Variants in ARNT2 observed in about 807,000 individuals in gnomAD.
The protein encoded by ARNT2 is ARNT protein 2.
In ARNT2, 36 loss-of-function variants were observed where a neutral mutation model predicts 91.7. The observed-to-expected ratio is 0.39, with a 90% CI of 0.30 to 0.52. The LOEUF (loss-of-function observed/expected upper bound fraction) is 0.52, where lower values mean the gene tolerates loss of function less well. ARNT2 is among the 20% of genes least tolerant of loss of function. The pLI, the probability that ARNT2 is intolerant of heterozygous loss-of-function variation, is 0.72. For missense variants in ARNT2, 775 were observed against 939.3 expected, an observed-to-expected ratio of 0.83 and a Z score of 2.29; for synonymous variants, 365 against 347.1, an observed-to-expected ratio of 1.05 and a Z score of -0.57.
intron 12 of ARNT2, among the ~76,000 whole-genome samples, chr15:80,567,600 A>C (rs1885744204): frequency 6.6e-6 from 1 of 152,198 alleles, no homozygotes; most frequent in African/African-American, 2.4e-5. Context: ...CCCCTGTGAA[A>C]ACCAGCCCCC....
At chr15:80,512,982 G>A (rs1897366954) in intron 6 of ARNT2, among the ~76,000 whole-genome samples, 1 of 152,188 alleles carries the variant, frequency 6.6e-6, no homozygotes, top group Non-Finnish European at 1.5e-5. Flanking sequence ...AGGGCAGAGG[G>A]CCAAACATTG....
chr15:80,465,750 A>G (rs1442838578), intron 3 of ARNT2, among the ~76,000 whole-genome samples: 3 of 152,122 alleles, frequency 2.0e-5, no homozygotes, highest in Non-Finnish European at 4.4e-5. Flanking sequence ...ACTTAGGTTT[A>G]TGTCGTGGCT....
intron 1 of ARNT2, among the ~76,000 whole-genome samples, chr15:80,447,689 C>T (rs1276473072): frequency 6.6e-6 from 1 of 152,168 alleles, no homozygotes; most frequent in East Asian, 1.9e-4. Flanking sequence ...AGGCTGACAG[C>T]TGATCACATT....
intron 1 of ARNT2, 132 bp from the exon 2 acceptor site, chr15:80,450,748 C>A (rs879207077): frequency 3.8e-4 from 317 of 832,480 alleles, no homozygotes; most frequent in East Asian, 8.3e-4. Context: ...CTGATGATGG[C>A]AGAGCGGCCG....
chr15:80,537,287 A>G (rs1362339116), intron 8 of ARNT2, among the ~76,000 whole-genome samples: 1 of 152,164 alleles, frequency 6.6e-6, no homozygotes, highest in African/African-American at 2.4e-5. Flanking sequence ...GGACCATATT[A>G]TTTAAACTCC....
chr15:80,529,969 A>G (rs1002725715), intron 8 of ARNT2, among the ~76,000 whole-genome samples: 3 of 152,218 alleles, frequency 2.0e-5, no homozygotes, highest in Non-Finnish European at 2.9e-5. Flanking sequence ...CTTATGTCAC[A>G]CTGAGTAGTT....
At chr15:80,515,337 G>C (rs974948323) in intron 8 of ARNT2, among the ~76,000 whole-genome samples, 1 of 152,084 alleles carries the variant, frequency 6.6e-6, no homozygotes, top group South Asian at 2.1e-4. Flanking sequence ...CAACTCAAAT[G>C]TACACCAAGT....
intron 1 of ARNT2, among the ~76,000 whole-genome samples, chr15:80,425,653 G>A (rs1485736078): frequency 6.6e-6 from 1 of 151,892 alleles, no homozygotes; most frequent in East Asian, 1.9e-4. Context: ...TGCCATGATG[G>A]TTTGCTGCAC....
chr15:80,433,831 A>G (rs1896048152), intron 1 of ARNT2: 2 of 152,216 alleles, frequency 1.3e-5, no homozygotes, highest in Non-Finnish European at 2.9e-5. Context: ...TATGTTCAAC[A>G]AAGTATGGAC....
rs150548135 is a variant in ARNT2 at position 80,472,777 on chromosome 15, G to A, written c.409-2233G>A. 2.1e-3 allele frequency among the ~76,000 whole-genome samples: 325 copies of A among 152,304 alleles called. 5 individuals are homozygous for A. The East Asian group carries it at 0.025, about 12-fold the overall frequency. On this transcript the variant is annotated intron_variant, in intron 4 of 18. Coordinates refer to ENST00000303329, the MANE Select transcript of ARNT2 (RefSeq NM_014862.4). ...AACAAGCATAGACTGTTTAACATGGGCCTGAGGTATAATGAAGGGTAAATA... is the reference window on the plus strand; with the variant it reads ...AACAAGCATAGACTGTTTAACATGGACCTGAGGTATAATGAAGGGTAAATA...
At chr15:80,550,095 A>G (rs554917606) in intron 8 of ARNT2, among the ~76,000 whole-genome samples, 2 of 152,362 alleles carry the variant, frequency 1.3e-5, no homozygotes, top group East Asian at 1.9e-4. Context: ...AGCAAAGCCC[A>G]AGAGTGTCTA....
At chr15:80,523,325 C>T (rs2141435337) in intron 8 of ARNT2, among the ~76,000 whole-genome samples, 1 of 152,238 alleles carries the variant, frequency 6.6e-6, no homozygotes. Context: ...CAAACACAGA[C>T]CCATCCTTCA....
At chr15:80,505,202 C>T (rs181897004) in intron 5 of ARNT2, among the ~76,000 whole-genome samples, 53 of 152,264 alleles carry the variant, frequency 3.5e-4, no homozygotes, top group African/African-American at 1.2e-3. Context: ...CATGGACCAG[C>T]GAGTCTGAGT....
At chr15:80,458,259 GC>G (rs1433980478) in intron 3 of ARNT2, among the ~76,000 whole-genome samples, 2 of 151,888 alleles carry the variant, frequency 1.3e-5, no homozygotes, top group Non-Finnish European at 2.9e-5. Context: ...AGACAATAGG[GC>G]TTTTTAAAAA....
intron 8 of ARNT2, among the ~76,000 whole-genome samples, chr15:80,523,818 G>A (rs961152338): frequency 6.6e-5 from 10 of 152,228 alleles, no homozygotes; most frequent in Non-Finnish European, 7.3e-5. Flanking sequence ...ATGCAGGTCT[G>A]TGACTGTGAG....
chr15:80,419,642 G>A (rs186810728), intron 1 of ARNT2, among the ~76,000 whole-genome samples: 1 of 152,308 alleles, frequency 6.6e-6, no homozygotes, highest in East Asian at 1.9e-4. Context: ...ACATGGCATG[G>A]TGCCCTGGGA....
chr15:80,412,365 C>T (rs764968892), intron 1 of ARNT2, among the ~76,000 whole-genome samples: 3 of 152,218 alleles, frequency 2.0e-5, no homozygotes, highest in Non-Finnish European at 2.9e-5. Context: ...TCACCACAAC[C>T]ACTTTTCCCC....
intron 15 of ARNT2, 30 bp from the exon 16 acceptor site, chr15:80,580,380 CT>C: frequency 6.2e-7 from 1 of 1,613,292 alleles, no homozygotes; most frequent in Non-Finnish European, 8.5e-7. Context: ...CAGGTGTGTC[CT>C]CGGGATAAAT....
At chr15:80,589,368 A>T (rs994035561) in intron 17 of ARNT2, among the ~76,000 whole-genome samples, 9 of 152,154 alleles carry the variant, frequency 5.9e-5, no homozygotes, top group Non-Finnish European at 1.0e-4. Context: ...GTGGCTGTAA[A>T]TGTTGATGGC....
Sources: gnomAD v4.1 joint callset for allele counts (sites outside exome capture counted in the v4.1 genomes callset) on GRCh38, gnomAD v4.1.1 for gene constraint, MANE v1.5 for transcripts, NCBI Gene and HGNC (gene_info 2026-07-23, HGNC 2026-07-21) for gene names.